The following ERBB4 variants were observed in gnomAD, a reference collection of about 807,000 sequenced individuals.
ERBB4 encodes the protein receptor tyrosine-protein kinase erbB-4.
Under a neutral mutation model 158.0 loss-of-function variants are expected in ERBB4, and 42 were observed. The ratio of observed to expected loss-of-function variants is 0.27; its 90% confidence interval spans 0.21 to 0.34. The LOEUF is 0.34. Ranked by LOEUF, ERBB4 falls within the 10% of genes least tolerant of loss-of-function variation. The pLI is 1.00. For synonymous variants in ERBB4, 583 were observed against 558.7 expected (o/e 1.04, Z -0.61); for missense variants, 1,333 against 1,624.1 (o/e 0.82, Z 3.08).
chr2:212,333,327 A>G (rs1402836776), intron 1 of ERBB4, among the ~76,000 whole-genome samples: 1 of 151,898 alleles, frequency 6.6e-6, no homozygotes, highest in Non-Finnish European at 1.5e-5. Context: ...CTAATCCTCC[A>G]GAAGTAGATC....
At chr2:211,810,090 G>A (rs2105912851) in intron 3 of ERBB4, among the ~76,000 whole-genome samples, 1 of 152,288 alleles carries the variant, frequency 6.6e-6, no homozygotes, top group South Asian at 2.1e-4. Flanking sequence ...TACATTTGCT[G>A]AAGAGTGCTT....
intron 19 of ERBB4, among the ~76,000 whole-genome samples, chr2:211,590,042 G>C (rs1424465195): frequency 6.6e-6 from 1 of 152,078 alleles, no homozygotes; most frequent in African/African-American, 2.4e-5. Flanking sequence ...AAAAATTACT[G>C]GCAGAAAAAT....
intron 2 of ERBB4, among the ~76,000 whole-genome samples, chr2:212,027,771 C>G (rs1369376967): frequency 1.3e-5 from 2 of 152,012 alleles, no homozygotes; most frequent in Admixed American, 6.6e-5. Flanking sequence ...CCTCAGGAGT[C>G]CAAGAATTCT....
intron 5 of ERBB4, among the ~76,000 whole-genome samples, chr2:211,738,365 T>TG (rs71054138): frequency 0.021 from 495 of 23,966 alleles, 2 homozygotes; most frequent in Non-Finnish European, 0.06. Flanking sequence ...GTTTTTGTTT[T>TG]TTTTTTTTTT....
intron 3 of ERBB4, among the ~76,000 whole-genome samples, chr2:211,875,025 CAAAAAAA>C (rs746636278): frequency 3.3e-4 from 9 of 27,026 alleles, no homozygotes; most frequent in Admixed American, 1.1e-3. Flanking sequence ...AATAGAAATG[CAAAAAAA>C]AAAAAAAAAA....
intron 2 of ERBB4, among the ~76,000 whole-genome samples, chr2:212,120,459 C>T (rs1441120046): frequency 1.3e-5 from 2 of 152,104 alleles, no homozygotes; most frequent in Non-Finnish European, 2.9e-5. Context: ...ATTCATTTGT[C>T]CATTCAACAA....
rs574983015 is a variant in ERBB4 at position 211,550,554 on chromosome 2, C to A, written c.2487+11349G>T. On this transcript the variant is annotated intron_variant, in intron 20 of 27. Coordinates refer to ENST00000342788, the MANE Select transcript of ERBB4 (RefSeq NM_005235.3). ...TTTGGGACTCATCAGCCTCCATAAT[C>A]TCATGAGCTCATTCCTTAGAATATA... is the stretch of plus-strand genomic sequence containing the variant. Among the ~76,000 whole-genome samples the A allele has an allele frequency of 6.7e-3, 967 of 143,534 alleles. 8 individuals carry two copies. Among genetic ancestry groups the A allele is most frequent in the Admixed American group, 9.5e-3 (137 of 14,472 alleles). The allele number at this position is 143,534 out of a possible 152,430, so 94.2% of individuals were successfully genotyped here. A position where few individuals can be genotyped will look rare whatever the true frequency, so the allele number is the denominator to read the frequency against.
intron 2 of ERBB4, among the ~76,000 whole-genome samples, chr2:212,058,619 T>C (rs1199085709): frequency 1.3e-5 from 2 of 152,196 alleles, no homozygotes; most frequent in Non-Finnish European, 2.9e-5. Flanking sequence ...ATCCCTGGAA[T>C]GCAAGGCTGG....
At chr2:212,399,823 G>A (rs2091150199) in intron 1 of ERBB4, among the ~76,000 whole-genome samples, 1 of 151,708 alleles carries the variant, frequency 6.6e-6, no homozygotes, top group Non-Finnish European at 1.5e-5. Flanking sequence ...AGGTTGCAGT[G>A]AGCCGAGATC....
At chr2:211,680,158 A>C (rs1186312556) in intron 12 of ERBB4, among the ~76,000 whole-genome samples, 12 of 152,198 alleles carry the variant, frequency 7.9e-5, no homozygotes. Context: ...TCTCTATGTT[A>C]TCTCTATTTT....
intron 1 of ERBB4, among the ~76,000 whole-genome samples, chr2:212,313,628 A>G (rs1335038825): frequency 6.6e-6 from 1 of 150,998 alleles, no homozygotes; most frequent in Non-Finnish European, 1.5e-5. Flanking sequence ...ATCTGTGTAG[A>G]AGCACAATTA....
At chr2:212,195,095 T>C (rs1217940346) in intron 1 of ERBB4, among the ~76,000 whole-genome samples, 2 of 152,064 alleles carry the variant, frequency 1.3e-5, no homozygotes, top group African/African-American at 4.8e-5. Context: ...TTATAATTTG[T>C]ATATAGTGCA....
chr2:211,710,879 T>G (rs952911474), intron 9 of ERBB4, among the ~76,000 whole-genome samples: 1 of 152,050 alleles, frequency 6.6e-6, no homozygotes, highest in Admixed American at 6.6e-5. Flanking sequence ...CCACCGAACC[T>G]CTTTTTTCTT....
intron 1 of ERBB4, among the ~76,000 whole-genome samples, chr2:212,403,171 G>A (rs905087336): frequency 2.6e-5 from 4 of 151,948 alleles, no homozygotes; most frequent in Admixed American, 1.3e-4. Context: ...TTTTGCGAAG[G>A]CCTTAGAAAG....
At chr2:212,374,025 TATATATATCC>T (rs1355049127) in intron 1 of ERBB4, among the ~76,000 whole-genome samples, 7 of 126,822 alleles carry the variant, frequency 5.5e-5, no homozygotes, top group Admixed American at 3.4e-4. Context: ...TATATCCATA[TATATATATCC>T]ATATATATCC....
At chr2:212,201,356 A>T (rs1197968037) in intron 1 of ERBB4, among the ~76,000 whole-genome samples, 1 of 152,126 alleles carries the variant, frequency 6.6e-6, no homozygotes, top group African/African-American at 2.4e-5. Flanking sequence ...GAGTTTGGGA[A>T]TGTTTATTTT....
At chr2:212,235,189 C>T (rs757837529) in intron 1 of ERBB4, among the ~76,000 whole-genome samples, 5 of 152,204 alleles carry the variant, frequency 3.3e-5, no homozygotes, top group African/African-American at 7.2e-5. Context: ...CAGTTTTCTG[C>T]ATATGACTAG....
chr2:211,961,013 T>C (rs1010417200), intron 2 of ERBB4, among the ~76,000 whole-genome samples: 2 of 152,124 alleles, frequency 1.3e-5, no homozygotes, highest in Admixed American at 6.6e-5. Flanking sequence ...TATATAATAA[T>C]GCTGTATTTT....
intron 1 of ERBB4, among the ~76,000 whole-genome samples, chr2:212,521,034 G>A (rs1193337500): frequency 6.6e-6 from 1 of 151,952 alleles, no homozygotes; most frequent in Non-Finnish European, 1.5e-5. Flanking sequence ...GTGTATAGAT[G>A]TGGATGATTC....
Sources: allele counts gnomAD v4.1 joint callset (sites outside exome capture counted in the v4.1 genomes callset), GRCh38; gene constraint gnomAD v4.1.1; transcripts MANE v1.5; gene names NCBI Gene and HGNC (gene_info 2026-07-23, HGNC 2026-07-21).